ASF1B: variants seen among roughly 807,000 people sequenced by gnomAD.
ASF1B encodes the protein anti-silencing function 1B histone chaperone.
ASF1B carries 10 observed loss-of-function variants against 16.6 expected under a neutral mutation model. That is an observed-to-expected ratio of 0.60 (90% CI 0.37 to 1.02). The LOEUF (loss-of-function observed/expected upper bound fraction) is 1.02. ASF1B is among the 50% of genes least tolerant of loss of function. The pLI is 0.01. For missense variants in ASF1B, 240 were observed against 266.0 expected, an observed-to-expected ratio of 0.90 and a Z score of 0.68; for synonymous variants, 101 against 106.2, an observed-to-expected ratio of 0.95 and a Z score of 0.30.
At chr19:14,123,778 G>A (rs1457688610) in intron 2 of ASF1B, among the ~76,000 whole-genome samples, 1 of 148,804 alleles carries the variant, frequency 6.7e-6, no homozygotes, top group African/African-American at 2.5e-5. Context: ...CTGGGCTCAA[G>A]CGAGCCTATT....
chr19:14,120,477 G>A lies in ASF1B; in HGVS notation c.591C>T (p.Asn197=). ...PGCIPGLLPE[N]SMDCI ...CCTGCAGTTAGATGCAGTCCATGGA[G>A]TTCTCAGGGAGGAGGCCAGGGATGC... Residue 197 remains asparagine (N), a synonymous_variant, in exon 4 of 4, where the codon AAC becomes AAT. Transcript: ENST00000263382. The A allele has an allele frequency of 6.2e-7, 1 of 1,612,934 alleles. No individual in the cohort carries two copies. The highest frequency in any genetic ancestry group is 1.1e-5 in the South Asian group (1 of 91,020).
At chr19:14,124,481 AGAGCCATTTAG>A (rs1967288901) in intron 2 of ASF1B, among the ~76,000 whole-genome samples, 1 of 152,178 alleles carries the variant, frequency 6.6e-6, no homozygotes, top group Non-Finnish European at 1.5e-5. Context: ...GTGCTGCATG[AGAGCCATTTAG>A]GAGTTACAGT....
intron 1 of ASF1B, among the ~76,000 whole-genome samples, chr19:14,130,590 G>C (rs555771998): frequency 1.3e-5 from 2 of 151,442 alleles, no homozygotes; most frequent in Admixed American, 6.6e-5. Flanking sequence ...TCTTTCTTTA[G>C]AATTATACAT....
chr19:14,136,395 G>C lies in ASF1B; in HGVS notation c.62C>G (p.Pro21Arg). Residue 21 changes from proline to arginine, a missense_variant, in exon 1 of 4, where the codon CCC becomes CGC. Pro to Arg is a moderately radical substitution (Grantham distance 103, BLOSUM62 -2). Transcript: ENST00000263382. ...VLENPSPFHS[P>R]FRFEISFECS... ...CTCGAAGCTGATCTCGAACCGGAAG[G>C]GGCTGTGGAAAGGGCTCGGGTTCTC... 10 of 1,613,864 alleles carry C rather than the reference G, an allele frequency of 6.2e-6. No homozygotes were observed. The highest frequency in any genetic ancestry group is 8.5e-6 in the Non-Finnish European group (10 of 1,179,806).
intron 1 of ASF1B, among the ~76,000 whole-genome samples, chr19:14,127,827 G>C (rs1967341794): frequency 6.6e-6 from 1 of 152,052 alleles, no homozygotes; most frequent in Non-Finnish European, 1.5e-5. Context: ...TAGTAGAGAT[G>C]GGGTTTCACC....
chr19:14,135,164 C>T, intron 1 of ASF1B, among the ~76,000 whole-genome samples: 1 of 141,426 alleles, frequency 7.1e-6, no homozygotes. Context: ...GTGGAGGTTG[C>T]AGTGAGCCGA....
chr19:14,129,141 C>T (rs564734030), intron 1 of ASF1B, among the ~76,000 whole-genome samples: 1 of 152,056 alleles, frequency 6.6e-6, no homozygotes, highest in Non-Finnish European at 1.5e-5. Flanking sequence ...GTGGTCCCAG[C>T]TATGCGGGAG....
chr19:14,136,204 A>C (rs1398650112), intron 1 of ASF1B, 144 bp downstream of exon 1: 19 of 534,618 alleles, frequency 3.6e-5, no homozygotes, highest in Non-Finnish European at 5.9e-5. Flanking sequence ...GATCCGGTTG[A>C]CTGGCGGGCT....
At chr19:14,129,248 T>A (rs1167489785) in intron 1 of ASF1B, among the ~76,000 whole-genome samples, 1 of 149,868 alleles carries the variant, frequency 6.7e-6, no homozygotes, top group Non-Finnish European at 1.5e-5. Context: ...AGACCCTATC[T>A]CAAAGGAAAA....
intron 2 of ASF1B, among the ~76,000 whole-genome samples, chr19:14,122,127 C>T (rs11882184): frequency 0.014 from 2,127 of 152,124 alleles, 55 homozygotes; most frequent in African/African-American, 0.049. Flanking sequence ...GATGGGGTTT[C>T]GCCATGTTGG....
intron 1 of ASF1B, among the ~76,000 whole-genome samples, chr19:14,134,501 C>G (rs966602958): frequency 3.3e-5 from 5 of 152,000 alleles, no homozygotes; most frequent in Non-Finnish European, 7.4e-5. Context: ...CCTGGCTTCA[C>G]AGGCCCCCAG....
In ASF1B at chr19:14,127,817, T is replaced by C. The variant is rs568195489; in HGVS notation, c.110-1580A>G. 2.0e-5 allele frequency among the ~76,000 whole-genome samples: 3 copies of C among 152,240 alleles called. No individual in the cohort carries two copies. The South Asian group carries it at 6.2e-4, about 32-fold the overall frequency. Reference sequence around the variant, plus strand: ...ACAGCCGGCTAATGTTTTGTATTTTTAGTAGAGATGGGGTTTCACCATGTT... The same window carrying C: ...ACAGCCGGCTAATGTTTTGTATTTTCAGTAGAGATGGGGTTTCACCATGTT... On this transcript the variant is annotated intron_variant, in intron 1 of 3. Transcript: ENST00000263382.
chr19:14,124,012 T>G (rs1967281735), intron 2 of ASF1B, among the ~76,000 whole-genome samples: 1 of 151,868 alleles, frequency 6.6e-6, no homozygotes, highest in African/African-American at 2.4e-5. Context: ...GGCTAGTCTT[T>G]AACTCCTGAC....
chr19:14,135,247 G>GGAA (rs1466776008), intron 1 of ASF1B, among the ~76,000 whole-genome samples: 1 of 150,724 alleles, frequency 6.6e-6, no homozygotes, highest in African/African-American at 2.5e-5. Flanking sequence ...AAAAAGAAGA[G>GGAA]GAAGAAGAAG....
intron 1 of ASF1B, among the ~76,000 whole-genome samples, 190 bp downstream of exon 1, chr19:14,136,158 T>C (rs1190415098): frequency 1.7e-5 from 2 of 116,844 alleles, no homozygotes; most frequent in African/African-American, 6.7e-5. Context: ...CACGGGGAGG[T>C]CCGTGTTGGC....
intron 2 of ASF1B, among the ~76,000 whole-genome samples, chr19:14,125,278 C>T (rs118070774): frequency 0.012 from 1,815 of 151,662 alleles, 20 homozygotes; most frequent in South Asian, 0.045. Flanking sequence ...GGTGTCTTTT[C>T]AACATAAACA....
chr19:14,127,773 A>T (rs1366908994), intron 1 of ASF1B, among the ~76,000 whole-genome samples: 1 of 151,756 alleles, frequency 6.6e-6, no homozygotes, highest in Non-Finnish European at 1.5e-5. Context: ...AGTAGCTGGG[A>T]TTATAGGCGC....
rs1967211296 is a variant in ASF1B at position 14,120,167 on chromosome 19, A to G, written c.*292T>C. On this transcript the variant is annotated 3_prime_UTR_variant, in exon 4 of 4. Transcript: ENST00000263382. ...GGAAAGCTTTGGATCAATGGTACTC[A>G]AGGGTGCACAGTGGCACAGTGGCCT... 1 of 362,662 alleles carries G rather than the reference A, an allele frequency of 2.8e-6. No individual in the cohort carries two copies. The highest frequency in any genetic ancestry group is 2.2e-5 in the African/African-American group (1 of 45,896). The allele number at this position is 362,662 out of a possible 1,614,324, so 22.5% of individuals were successfully genotyped here. A position where few individuals can be genotyped will look rare whatever the true frequency, so the allele number is the denominator to read the frequency against.
At chr19:14,124,696 A>G (rs1484852062) in intron 2 of ASF1B, among the ~76,000 whole-genome samples, 1 of 152,106 alleles carries the variant, frequency 6.6e-6, no homozygotes, top group African/African-American at 2.4e-5. Context: ...CCTGAGGTCA[A>G]ACAAGGCAAC....
Sources: gnomAD v4.1 joint callset for allele counts (sites outside exome capture counted in the v4.1 genomes callset) on GRCh38, gnomAD v4.1.1 for gene constraint, MANE v1.5 for transcripts, NCBI Gene and HGNC (gene_info 2026-07-23, HGNC 2026-07-21) for gene names.